KLRG2: variants seen among roughly 807,000 people sequenced by gnomAD.
The protein encoded by KLRG2 is killer cell lectin-like receptor subfamily G member 2.
In KLRG2, 39 loss-of-function variants were observed where a neutral mutation model predicts 35.4. That is an observed-to-expected ratio of 1.10 (90% confidence interval 0.85 to 1.44). The LOEUF (loss-of-function observed/expected upper bound fraction) is 1.44. Ranked by LOEUF, KLRG2 falls within the 40% of genes most tolerant of loss-of-function variation. The pLI, the probability that KLRG2 is intolerant of heterozygous loss-of-function variation, is 0.00. For synonymous variants in KLRG2, 283 were observed against 265.8 expected, an observed-to-expected ratio of 1.06 and a Z score of -0.63; for missense variants, 632 against 570.9, an observed-to-expected ratio of 1.11 and a Z score of -1.09.
At chr7:139,445,305 C>T in the KLRG2 span, among the ~76,000 whole-genome samples, 2 of 152,134 alleles carry the variant, frequency 1.3e-5, no homozygotes, top group Non-Finnish European at 2.9e-5. Context: ...TGGTCTCGAA[C>T]CCCTGACCTC....
downstream of KLRG2, among the ~76,000 whole-genome samples, chr7:139,450,569 C>A (rs1185555248): frequency 1.3e-5 from 2 of 152,154 alleles, no homozygotes; most frequent in Admixed American, 1.3e-4. Context: ...CAGGGACTTA[C>A]AAAGCCATTT....
chr7:139,482,950 C>A lies in KLRG2; in HGVS notation c.693G>T (p.Ala231=). Residue 231 remains alanine (A), a synonymous_variant, in exon 1 of 5, where the codon GCG becomes GCT. Transcript: ENST00000340940. ...CCAACCCCGCGCGGGGCAACAGCGC[C>A]GCATCCTCCTTCTCCAGCCCCAGCT... ...CKELGLEKED[A]ALLPRAGLDG... 6.8e-7 allele frequency: 1 copy of A among 1,479,774 alleles called. No homozygotes were observed. Among genetic ancestry groups the A allele is most frequent in the Admixed American group, 2.4e-5 (1 of 41,176 alleles). The allele number at this position is 1,479,774 out of a possible 1,614,324, so 91.7% of individuals were successfully genotyped here.
intron 1 of KLRG2, among the ~76,000 whole-genome samples, chr7:139,481,028 GC>G (rs1796951219): frequency 6.6e-6 from 1 of 152,182 alleles, no homozygotes; most frequent in South Asian, 2.1e-4. Flanking sequence ...ACAGGCGTGA[GC>G]CACCGTGCCC....
At chr7:139,431,109 A>T in the KLRG2 span, among the ~76,000 whole-genome samples, 5 of 119,732 alleles carry the variant, frequency 4.2e-5, no homozygotes, top group Non-Finnish European at 7.8e-5. Flanking sequence ...AAACATGCTG[A>T]GCTAATAAAT....
chr7:139,465,610 T>C (rs1224784884), intron 3 of KLRG2, among the ~76,000 whole-genome samples: 1 of 149,062 alleles, frequency 6.7e-6, no homozygotes, highest in Non-Finnish European at 1.5e-5. Flanking sequence ...GAGAATGGCG[T>C]GAACCTGGGA....
chr7:139,462,488 C>T (rs79643315), intron 3 of KLRG2, among the ~76,000 whole-genome samples: 1 of 151,954 alleles, frequency 6.6e-6, no homozygotes, highest in Non-Finnish European at 1.5e-5. Flanking sequence ...TCTGGACTTG[C>T]CTCCTTCACT....
chr7:139,433,484 C>A, the KLRG2 span, among the ~76,000 whole-genome samples: 1 of 152,154 alleles, frequency 6.6e-6, no homozygotes, highest in East Asian at 1.9e-4. Context: ...TGCCACCACA[C>A]CCGGCTAATT....
chr7:139,433,625 CT>C, the KLRG2 span, among the ~76,000 whole-genome samples: 10,144 of 118,940 alleles, frequency 0.085, 516 homozygotes, highest in African/African-American at 0.19. Context: ...TGCGCCCGGC[CT>C]TTTTTTTTTT....
In KLRG2 at chr7:139,482,997, G is replaced by C. The variant is rs1796989665; in HGVS notation, c.646C>G (p.Pro216Ala). 1.4e-6 allele frequency: 2 copies of C among 1,379,752 alleles called. No individual in the cohort carries two copies. Among genetic ancestry groups the C allele is most frequent in the South Asian group, 3.3e-5 (2 of 59,972 alleles). The allele number at this position is 1,379,752 out of a possible 1,614,324, so 85.5% of individuals were successfully genotyped here. A position where few individuals can be genotyped will look rare whatever the true frequency, so the allele number is the denominator to read the frequency against. ...AGCTCCTTGCAGCGGCAGCACGTGG[G>C]GGAGCCCGGGGAGCCGGCGCTTCCT... The part of the protein sequence containing the change: ...AEGSAGSPGS[P>A]TCCRCKELGL... The change falls in exon 1 of 5, where the codon CCC (proline) becomes GCC (alanine). Residue 216 changes from proline to alanine, a missense_variant. Pro to Ala is a conservative substitution (Grantham distance 27). Transcript: ENST00000340940.
the KLRG2 span, among the ~76,000 whole-genome samples, chr7:139,437,491 CT>C: frequency 6.6e-6 from 1 of 151,250 alleles, no homozygotes; most frequent in Non-Finnish European, 1.5e-5. Flanking sequence ...GAGTCTCGCT[CT>C]GTTGCCCAGG....
At chr7:139,471,506 C>A (rs1050644032) in intron 3 of KLRG2, among the ~76,000 whole-genome samples, 3 of 152,002 alleles carry the variant, frequency 2.0e-5, no homozygotes, top group African/African-American at 7.3e-5. Context: ...TACTAAAATA[C>A]AAAAATTAGC....
chr7:139,445,798 T>TATATATACAC, the KLRG2 span, among the ~76,000 whole-genome samples: 4 of 126,072 alleles, frequency 3.2e-5, 1 homozygote, highest in African/African-American at 1.9e-4. Context: ...TATATGTGTG[T>TATATATACAC]ATATATATAT....
chr7:139,463,769 G>A (rs564721388), intron 3 of KLRG2, among the ~76,000 whole-genome samples: 58 of 152,298 alleles, frequency 3.8e-4, no homozygotes, highest in Admixed American at 8.5e-4. Context: ...GACGACCGAC[G>A]CTGCCCAATT....
At chr7:139,452,678 T>C (rs1796393601), downstream of KLRG2, 1 of 152,268 alleles carries the variant, frequency 6.6e-6, no homozygotes, top group Non-Finnish European at 1.5e-5. Flanking sequence ...TTTGGAGGTC[T>C]AGCTGGACTC....
the KLRG2 span, among the ~76,000 whole-genome samples, chr7:139,443,561 G>A: frequency 1.3e-5 from 2 of 151,536 alleles, no homozygotes; most frequent in Non-Finnish European, 2.9e-5. Context: ...GTAGATGAGA[G>A]GGAGTTTGTT....
At position 139,463,941 on chromosome 7, in the gene KLRG2, C is replaced by T. The variant is rs143226303; in HGVS notation, c.1006-9727G>A. 7.4e-3 allele frequency among the ~76,000 whole-genome samples: 1,129 copies of T among 152,216 alleles called. 16 individuals carry two copies. Among genetic ancestry groups the T allele is most frequent in the African/African-American group, 0.025 (1,028 of 41,526 alleles). On this transcript the variant is annotated intron_variant, in intron 3 of 4. Coordinates refer to ENST00000340940, the MANE Select transcript of KLRG2 (RefSeq NM_198508.4). ...CCTCCATAACTGTTGTGGGTGTTGA[C>T]GGCCAGGCTTCTAGACCTCTTAAAA...
Position 139,480,349 on chromosome 7 carries a change from C to T in KLRG2, c.758-102G>A, listed in dbSNP as rs1185761519. ...CACACCAGCATCTCACCCACCTCAC[C>T]CCAGCACCCACCCCCTCAGCCTGGG... On this transcript the variant is annotated intron_variant, in intron 1 of 4. Transcript: ENST00000340940. 10 of 671,116 alleles carry T rather than the reference C, an allele frequency of 1.5e-5. No homozygotes were observed. In the African/African-American group the frequency reaches 1.6e-4, roughly 11 times the overall value. 41.6% of individuals were successfully genotyped at this position (671,116 alleles called of 1,614,324 possible). A position where few individuals can be genotyped will look rare whatever the true frequency, so the allele number is the denominator to read the frequency against.
chr7:139,480,701 T>A (rs1796943181), intron 1 of KLRG2, among the ~76,000 whole-genome samples: 1 of 150,348 alleles, frequency 6.7e-6, no homozygotes, highest in Admixed American at 6.7e-5. Flanking sequence ...CACCTCGGCC[T>A]CCCAAAGTGC....
the KLRG2 span, among the ~76,000 whole-genome samples, chr7:139,445,306 C>G: frequency 6.6e-6 from 1 of 152,024 alleles, no homozygotes; most frequent in Non-Finnish European, 1.5e-5. Flanking sequence ...GGTCTCGAAC[C>G]CCTGACCTCA....
Sources: gnomAD v4.1 joint callset for allele counts (sites outside exome capture counted in the v4.1 genomes callset) on GRCh38, gnomAD v4.1.1 for gene constraint, MANE v1.5 for transcripts, NCBI Gene and HGNC (gene_info 2026-07-23, HGNC 2026-07-21) for gene names.